Variants in LAMTOR5 observed in about 807,000 individuals in gnomAD.
LAMTOR5 encodes the protein ragulator complex protein LAMTOR5.
LAMTOR5 carries 8 observed loss-of-function variants against 12.1 expected under a neutral mutation model. That is an observed-to-expected ratio of 0.66 (90% CI 0.39 to 1.19). The LOEUF is 1.19. Ranked by LOEUF, LAMTOR5 falls within the 50% of genes most tolerant of loss-of-function variation. The pLI is 0.01. For missense variants in LAMTOR5, 110 were observed against 112.8 expected (o/e 0.97, Z 0.11); for synonymous variants, 37 against 41.9 (o/e 0.88, Z 0.45).
At chr1:110,403,717 A>G (rs558429736) in intron 3 of LAMTOR5, 1 of 598,588 alleles carries the variant, frequency 1.7e-6, no homozygotes, top group East Asian at 3.6e-5. Flanking sequence ...GCCAATTCTT[A>G]TTCTTCATTT....
intron 2 of LAMTOR5, among the ~76,000 whole-genome samples, chr1:110,405,330 T>A (rs915259438): frequency 6.6e-6 from 1 of 151,738 alleles, no homozygotes; most frequent in Non-Finnish European, 1.5e-5. Flanking sequence ...CTGGCTAATT[T>A]TTTTTTGCAT....
In LAMTOR5 at chr1:110,401,370, A is replaced by C; in HGVS notation, c.*153T>G. 1 of 666,052 alleles carries C rather than the reference A, an allele frequency of 1.5e-6. No homozygotes were observed. The highest frequency in any genetic ancestry group is 2.5e-6 in the Non-Finnish European group (1 of 407,644). 41.3% of individuals were successfully genotyped at this position (666,052 alleles called of 1,614,324 possible). ...TATCTTGATAGTCGGTCCATAGAGCATTAGAAAGCAATTGACTCTTAAATA... is the reference window on the plus strand; with the variant it reads ...TATCTTGATAGTCGGTCCATAGAGCCTTAGAAAGCAATTGACTCTTAAATA... On this transcript the variant is annotated 3_prime_UTR_variant, in exon 4 of 4. Transcript: ENST00000602318.
At chr1:110,407,917 C>T (rs1663374891), upstream of LAMTOR5, 4 of 1,572,178 alleles carry the variant, frequency 2.5e-6, no homozygotes, top group Non-Finnish European at 3.5e-6. Flanking sequence ...GGTCTGCAGC[C>T]GGGCCTCAGT....
At chr1:110,407,525 G>A in intron 1 of LAMTOR5, 61 bp downstream of exon 1, 1 of 1,573,610 alleles carries the variant, frequency 6.4e-7, no homozygotes, top group African/African-American at 1.3e-5. Flanking sequence ...CGCGCCTTTC[G>A]TTCCGCTCAA....
At position 110,407,649 on chromosome 1, in the gene LAMTOR5, C is replaced by T. The variant is rs1663363459; in HGVS notation, c.-29G>A. 6.2e-7 allele frequency: 1 copy of T among 1,614,216 alleles called. No homozygotes were observed. The highest frequency in any genetic ancestry group is 8.5e-7 in the Non-Finnish European group (1 of 1,180,030). On this transcript the variant is annotated 5_prime_UTR_variant, in exon 1 of 4. Coordinates refer to ENST00000602318, the MANE Select transcript of LAMTOR5 (RefSeq NM_001382293.1). ...ACCCACCGACCACTCCGGCTCAGAACCCAGCGGCACGGCACGTCCTTCTCC... is the reference window on the plus strand; with the variant it reads ...ACCCACCGACCACTCCGGCTCAGAATCCAGCGGCACGGCACGTCCTTCTCC...
At chr1:110,406,838 A>G in intron 1 of LAMTOR5, 1 of 434,028 alleles carries the variant, frequency 2.3e-6, no homozygotes, top group Non-Finnish European at 4.1e-6. Context: ...AAGAACACAA[A>G]AAATTTAAGT....
chr1:110,403,254 T>C (rs1361756326), intron 3 of LAMTOR5, among the ~76,000 whole-genome samples: 1 of 152,200 alleles, frequency 6.6e-6, no homozygotes, highest in Non-Finnish European at 1.5e-5. Flanking sequence ...ATATATACTT[T>C]TTTTCACATA....
At position 110,406,381 on chromosome 1, in the gene LAMTOR5, TA is replaced by T. The variant is rs776873722; in HGVS notation, c.36-3del. ...CCAACAATGGAGGGATTCTTCATTCTAATTCCAGGAACACAAGAGAGTTGAA... is the reference window on the plus strand; with the variant it reads ...CCAACAATGGAGGGATTCTTCATTCTATTCCAGGAACACAAGAGAGTTGAA... On this transcript the variant is annotated splice_polypyrimidine_tract_variant and splice_region_variant and intron_variant, in intron 1 of 3. Coordinates refer to ENST00000602318, the MANE Select transcript of LAMTOR5 (RefSeq NM_001382293.1). The T allele has an allele frequency of 4.4e-6, 7 of 1,607,576 alleles. No homozygotes were observed. In the African/African-American group the frequency reaches 8.0e-5, roughly 18 times the overall value.
chr1:110,405,240 A>G (rs1390637090), intron 2 of LAMTOR5, among the ~76,000 whole-genome samples: 1 of 151,740 alleles, frequency 6.6e-6, no homozygotes, highest in African/African-American at 2.4e-5. Context: ...GGCTTACTGC[A>G]ACCTCTGCCT....
chr1:110,406,755 C>A, intron 1 of LAMTOR5: 2 of 325,920 alleles, frequency 6.1e-6, no homozygotes, highest in East Asian at 5.6e-5. Context: ...ACCTGGGAGG[C>A]GGAGGTTGCA....
At chr1:110,407,391 C>T in intron 1 of LAMTOR5, 195 bp downstream of exon 1, 4 of 699,832 alleles carry the variant, frequency 5.7e-6, no homozygotes, top group Non-Finnish European at 9.3e-6. Context: ...GTGCGGTGCC[C>T]GGCAGGATTT....
At chr1:110,406,844 T>C (rs911877393) in intron 1 of LAMTOR5, 3 of 431,176 alleles carry the variant, frequency 7.0e-6, no homozygotes, top group Non-Finnish European at 4.1e-6. Flanking sequence ...ACAAAAAATT[T>C]AAGTTCTAGT....
upstream of LAMTOR5, chr1:110,407,881 G>A: frequency 5.0e-6 from 8 of 1,610,172 alleles, no homozygotes; most frequent in Non-Finnish European, 6.8e-6. Context: ...GAACCGGCCG[G>A]CACGGATTAT....
upstream of LAMTOR5, chr1:110,407,767 C>T (rs746233156): frequency 1.2e-6 from 2 of 1,614,196 alleles, no homozygotes; most frequent in Non-Finnish European, 1.7e-6. Context: ...CGTCCGCGTT[C>T]TTTACTGGAA....
chr1:110,407,184 T>TA, intron 1 of LAMTOR5: 1 of 594,128 alleles, frequency 1.7e-6, no homozygotes, highest in South Asian at 2.1e-5. Flanking sequence ...ACCAAGTAAC[T>TA]GATAGGTTAC....
chr1:110,407,497 T>C, intron 1 of LAMTOR5, 89 bp downstream of exon 1: 5 of 1,492,400 alleles, frequency 3.4e-6, no homozygotes, highest in Non-Finnish European at 4.5e-6. Flanking sequence ...CGAGACGCCC[T>C]GGCCGGTACT....
At position 110,407,654 on chromosome 1, in the gene LAMTOR5, C is replaced by T. The variant is rs138112058; in HGVS notation, c.-34G>A. 4.3e-6 allele frequency: 7 copies of T among 1,614,040 alleles called. No individual in the cohort carries two copies. The East Asian group carries it at 1.6e-4, about 36-fold the overall frequency. Reference sequence around the variant, plus strand: ...CCGACCACTCCGGCTCAGAACCCAGCGGCACGGCACGTCCTTCTCCACCAC... The same window carrying T: ...CCGACCACTCCGGCTCAGAACCCAGTGGCACGGCACGTCCTTCTCCACCAC... On this transcript the variant is annotated 5_prime_UTR_variant, in exon 1 of 4. Coordinates refer to ENST00000602318, the MANE Select transcript of LAMTOR5 (RefSeq NM_001382293.1).
chr1:110,401,960 G>C (rs748620871), intron 3 of LAMTOR5, among the ~76,000 whole-genome samples: 1 of 152,102 alleles, frequency 6.6e-6, no homozygotes, highest in Non-Finnish European at 1.5e-5. Flanking sequence ...TGTTTTCTTT[G>C]CATGTATATG....
At position 110,407,659 on chromosome 1, in the gene LAMTOR5, C is replaced by T. The variant is rs376832733; in HGVS notation, c.-39G>A. 8 of 1,614,076 alleles carry T rather than the reference C, an allele frequency of 5.0e-6. No individual in the cohort carries two copies. The African/African-American group carries it at 6.7e-5, about 13-fold the overall frequency. On this transcript the variant is annotated 5_prime_UTR_variant, in exon 1 of 4. In the 5' UTR this introduces an upstream ATG that the reference lacks. Transcript: ENST00000602318. ...CACTCCGGCTCAGAACCCAGCGGCA[C>T]GGCACGTCCTTCTCCACCACAGGCC... is the stretch of plus-strand genomic sequence containing the variant.
Sources: gnomAD v4.1 joint callset for allele counts (sites outside exome capture counted in the v4.1 genomes callset) on GRCh38, gnomAD v4.1.1 for gene constraint, MANE v1.5 for transcripts, NCBI Gene and HGNC (gene_info 2026-07-23, HGNC 2026-07-21) for gene names.